The following PTPRG variants were observed in gnomAD, a reference collection of about 807,000 sequenced individuals.
PTPRG encodes the protein protein tyrosine phosphatase receptor type G.
In PTPRG, 102 loss-of-function variants were observed where a neutral mutation model predicts 165.3. That is an observed-to-expected ratio of 0.62 (90% CI 0.53 to 0.73). PTPRG has a LOEUF of 0.73. Among genes scored for constraint, PTPRG ranks in the 30% least tolerant of loss-of-function variants. The probability of loss-of-function intolerance (pLI) is 0.00; values close to 1 mark genes in which losing one functional copy is unlikely to be tolerated. For missense variants in PTPRG, 1,866 were observed against 1,861.4 expected (o/e 1.00, Z -0.05); for synonymous variants, 675 against 669.5 (o/e 1.01, Z -0.13).
intron 6 of PTPRG, among the ~76,000 whole-genome samples, chr3:62,141,675 G>T (rs1703933288): frequency 6.6e-6 from 1 of 151,780 alleles, no homozygotes; most frequent in African/African-American, 2.4e-5. Context: ...CGAGGCTGGT[G>T]GATCCCTTCA....
At chr3:62,110,775 T>C (rs1702641468) in intron 5 of PTPRG, among the ~76,000 whole-genome samples, 2 of 152,236 alleles carry the variant, frequency 1.3e-5, no homozygotes, top group Admixed American at 1.3e-4. Flanking sequence ...TGTTTCCCAC[T>C]TTCTCTGCAT....
chr3:61,796,375 C>G (rs202049282), intron 2 of PTPRG, among the ~76,000 whole-genome samples: 3 of 152,214 alleles, frequency 2.0e-5, no homozygotes, highest in East Asian at 3.9e-4. Context: ...TGACTCAAAA[C>G]CAAAAAGGAA....
At chr3:61,580,404 C>T (rs536172130) in intron 1 of PTPRG, among the ~76,000 whole-genome samples, 4 of 133,214 alleles carry the variant, frequency 3.0e-5, no homozygotes, top group East Asian at 2.2e-4. Context: ...TTTTTTGAGA[C>T]GGAGTCTTGC....
chr3:61,683,416 A>G (rs765483419), intron 1 of PTPRG, among the ~76,000 whole-genome samples: 1 of 149,684 alleles, frequency 6.7e-6, no homozygotes, highest in Non-Finnish European at 1.5e-5. Context: ...TCAATTTTCG[A>G]TTCTAAGTCA....
At chr3:61,713,707 G>C (rs1220427883) in intron 1 of PTPRG, among the ~76,000 whole-genome samples, 2 of 152,168 alleles carry the variant, frequency 1.3e-5, no homozygotes, top group South Asian at 4.1e-4. Flanking sequence ...GCATTCAGCA[G>C]TTAACATCAT....
In PTPRG at chr3:61,600,188, A is replaced by ATGTGTGTGTGTGTGTGTG. The variant is rs1372886923; in HGVS notation, c.85+37817_85+37818insGTGTGTGTGTGTGTGTGT. 5.6e-3 allele frequency among the ~76,000 whole-genome samples: 745 copies of ATGTGTGTGTGTGTGTGTG among 133,140 alleles called. 3 individuals carry two copies. The highest frequency in any genetic ancestry group is 0.028 in the East Asian group (117 of 4,128). 87.3% of individuals were successfully genotyped at this position (133,140 alleles called of 152,430 possible). ...AAAAAAAAAAAATATATATATATAT[A>ATGTGTGTGTGTGTGTGTG]TATATGTGTGTGTGTGTGTGTGTGT... On this transcript the variant is annotated intron_variant, in intron 1 of 29. Transcript: ENST00000474889.
intron 2 of PTPRG, among the ~76,000 whole-genome samples, chr3:61,837,461 C>T (rs1040141323): frequency 5.9e-5 from 9 of 152,204 alleles, no homozygotes; most frequent in Middle Eastern, 6.3e-3. Flanking sequence ...AGCAGGGCTC[C>T]TGTTTGCCCA....
chr3:62,220,318 A>T (rs1166653690), intron 13 of PTPRG, among the ~76,000 whole-genome samples: 1 of 152,240 alleles, frequency 6.6e-6, no homozygotes, highest in Non-Finnish European at 1.5e-5. Flanking sequence ...TGACTTGAAG[A>T]TTACTTGGCT....
At position 61,790,244 on chromosome 3, in the gene PTPRG, A is replaced by G. The variant is rs1172169393; in HGVS notation, c.190+41262A>G. 1.3e-5 allele frequency among the ~76,000 whole-genome samples: 2 copies of G among 152,108 alleles called. 1 individual carries two copies. Among genetic ancestry groups the G allele is most frequent in the African/African-American group, 4.8e-5 (2 of 41,418 alleles). ...TTAATTTAGAAAATCTTTGTCCCCT[A>G]ATGTTGCTGGACTTGCTGGGGTGGT... is the stretch of plus-strand genomic sequence containing the variant. On this transcript the variant is annotated intron_variant, in intron 2 of 29. Coordinates refer to ENST00000474889, the MANE Select transcript of PTPRG (RefSeq NM_002841.4).
chr3:62,272,852 T>A, intron 21 of PTPRG, 94 bp from the exon 22 acceptor site: 1 of 1,329,072 alleles, frequency 7.5e-7, no homozygotes, highest in African/African-American at 1.5e-5. Flanking sequence ...AGAAAAATAA[T>A]AAAATAAATG....
chr3:61,761,783 G>A (rs912871228), intron 2 of PTPRG, among the ~76,000 whole-genome samples: 1 of 152,116 alleles, frequency 6.6e-6, no homozygotes, highest in Non-Finnish European at 1.5e-5. Flanking sequence ...TTCTGGGGGA[G>A]GAAAACAACC....
intron 2 of PTPRG, among the ~76,000 whole-genome samples, chr3:61,774,633 G>A (rs1016345197): frequency 1.3e-5 from 2 of 152,180 alleles, no homozygotes; most frequent in African/African-American, 4.8e-5. Context: ...ACTCTCTTGG[G>A]AGATTTCAAA....
At chr3:61,833,431 T>G (rs1212310152) in intron 2 of PTPRG, among the ~76,000 whole-genome samples, 8 of 152,222 alleles carry the variant, frequency 5.3e-5, no homozygotes, top group Admixed American at 5.2e-4. Flanking sequence ...TGGGGTGGTG[T>G]TTGTGACAAT....
intron 1 of PTPRG, among the ~76,000 whole-genome samples, chr3:61,716,541 C>T (rs2031815421): frequency 6.6e-6 from 1 of 151,110 alleles, no homozygotes; most frequent in South Asian, 2.1e-4. Flanking sequence ...TCTTATGTGT[C>T]CCCATTGCGT....
At chr3:61,951,623 G>A (rs72884162) in intron 2 of PTPRG, among the ~76,000 whole-genome samples, 132 of 152,204 alleles carry the variant, frequency 8.7e-4, no homozygotes, top group African/African-American at 2.5e-3. Flanking sequence ...TATTTCCAGC[G>A]CTTGTTTCCG....
intron 1 of PTPRG, among the ~76,000 whole-genome samples, chr3:61,563,894 G>T (rs9808938): frequency 0.69 from 104,396 of 151,786 alleles, 36,530 homozygotes; most frequent in East Asian, 0.87. Flanking sequence ...AACACCGTCT[G>T]GTATTCTGCA....
intron 1 of PTPRG, among the ~76,000 whole-genome samples, chr3:61,702,669 G>C (rs77169934): frequency 0.017 from 2,631 of 152,256 alleles, 31 homozygotes; most frequent in South Asian, 0.043. Flanking sequence ...AGGCACATCT[G>C]TCATTTTTCC....
At chr3:62,046,876 A>T (rs1338006569) in intron 4 of PTPRG, among the ~76,000 whole-genome samples, 1 of 152,208 alleles carries the variant, frequency 6.6e-6, no homozygotes, top group African/African-American at 2.4e-5. Flanking sequence ...AGTAACAACT[A>T]CTACCATTTA....
chr3:62,215,654 A>C (rs1700481618), intron 12 of PTPRG, among the ~76,000 whole-genome samples: 1 of 150,204 alleles, frequency 6.7e-6, no homozygotes, highest in South Asian at 2.1e-4. Flanking sequence ...GCTGTGACTC[A>C]AGAGCCTTGT....
Sources: gnomAD v4.1 joint callset for allele counts (sites outside exome capture counted in the v4.1 genomes callset) on GRCh38, gnomAD v4.1.1 for gene constraint, MANE v1.5 for transcripts, NCBI Gene and HGNC (gene_info 2026-07-23, HGNC 2026-07-21) for gene names.